PIAS4: variants seen among roughly 807,000 people sequenced by gnomAD.
PIAS4 encodes E3 SUMO-protein ligase PIAS4.
In PIAS4, 7 loss-of-function variants were observed where a neutral mutation model predicts 58.0. The ratio of observed to expected loss-of-function variants is 0.12; its 90% confidence interval spans 0.07 to 0.23. The LOEUF (loss-of-function observed/expected upper bound fraction) is 0.23, where lower values mean the gene tolerates loss of function less well. Among genes scored for constraint, PIAS4 ranks in the 10% least tolerant of loss-of-function variants. PIAS4 has a pLI of 1.00. For missense variants in PIAS4, 550 were observed against 709.5 expected (o/e 0.78, Z 2.55); for synonymous variants, 364 against 312.4 (o/e 1.17, Z -1.74).
At chr19:4,026,073 C>T (rs1193978938) in intron 3 of PIAS4, among the ~76,000 whole-genome samples, 2 of 76,804 alleles carry the variant, frequency 2.6e-5, no homozygotes, top group African/African-American at 6.0e-5. Flanking sequence ...GACTCCGTCT[C>T]AAAAAAAAAA....
At position 4,027,764 on chromosome 19, in the gene PIAS4, C is replaced by G. The variant is rs139734974; in HGVS notation, c.540-382C>G. 5.4e-3 allele frequency among the ~76,000 whole-genome samples: 817 copies of G among 152,052 alleles called. 7 individuals carry two copies. The highest frequency in any genetic ancestry group is 0.019 in the African/African-American group (776 of 41,438). On this transcript the variant is annotated intron_variant, in intron 3 of 10. Coordinates refer to ENST00000262971, the MANE Select transcript of PIAS4 (RefSeq NM_015897.4). ...ACAGTTTCACCATGTTGCGCAGGCTCGTCTCAAATTCCTGGGCTCAAGAGC... is the reference window on the plus strand; with the variant it reads ...ACAGTTTCACCATGTTGCGCAGGCTGGTCTCAAATTCCTGGGCTCAAGAGC...
chr19:4,029,046 T>C lies in PIAS4; in HGVS notation c.907+10T>C, dbSNP rs778169420. On this transcript the variant is annotated intron_variant, in intron 7 of 10. Transcript: ENST00000262971. ...CTGTGCAAGGCACTGGGTGAGCAGC[T>C]CAGGCCACCTCGGCCGAGGGGTGCC... The C allele has an allele frequency of 3.8e-6, 6 of 1,578,836 alleles. No individual in the cohort carries two copies. Among genetic ancestry groups the C allele is most frequent in the Non-Finnish European group, 5.2e-6 (6 of 1,159,384 alleles).
rs1219553427 is a variant in PIAS4, at chr19:4,033,441, G to A, written c.1003G>A (p.Val335Met). 7.7e-6 allele frequency: 12 copies of A among 1,558,952 alleles called. No homozygotes were observed. The highest frequency in any genetic ancestry group is 3.5e-5 in the South Asian group (3 of 84,940). Reference protein sequence around the residue: ...ICPLVKMRLSVPCRAETCAHL... With the variant: ...ICPLVKMRLSMPCRAETCAHL... The stretch of plus-strand genomic sequence containing the variant: ...ACAGCTGGTGAAGATGCGGCTCTCC[G>A]TGCCCTGCCGGGCAGAGACCTGTGC... Residue 335 changes from valine to methionine, a missense_variant, in exon 9 of 11, where the codon GTG (valine) becomes ATG (methionine). Around this residue, in one of 4 missense-constraint regions of PIAS4, gnomAD observed 225 missense variants for 345.8 expected, o/e 0.65. Coordinates refer to ENST00000262971, the MANE Select transcript of PIAS4 (RefSeq NM_015897.4).
intron 2 of PIAS4, 79 bp from the exon 3 acceptor site, chr19:4,023,957 G>A: frequency 1.1e-6 from 1 of 938,058 alleles, no homozygotes; most frequent in Non-Finnish European, 1.8e-6. Flanking sequence ...GTCTGAAGAG[G>A]CGCAGGCTGG....
intron 3 of PIAS4, among the ~76,000 whole-genome samples, chr19:4,027,361 G>A (rs1370410766): frequency 2.6e-5 from 4 of 152,158 alleles, no homozygotes; most frequent in African/African-American, 9.7e-5. Context: ...CTGGGTCTGA[G>A]CCTGGCTCCT....
At chr19:4,033,199 C>T (rs375880992) in intron 8 of PIAS4, 26 bp downstream of exon 8, 35 of 1,593,708 alleles carry the variant, frequency 2.2e-5, no homozygotes, top group African/African-American at 4.0e-5. Context: ...GTCCCCTCCT[C>T]GAGGCCTCTC....
At chr19:4,009,342 CG>C (rs2039972090) in intron 1 of PIAS4, among the ~76,000 whole-genome samples, 1 of 152,132 alleles carries the variant, frequency 6.6e-6, no homozygotes, top group Non-Finnish European at 1.5e-5. Flanking sequence ...AGTGGAGACT[CG>C]CCCTGGAGAT....
rs1183067879 is a variant in PIAS4, at chr19:4,036,503, A to AAC, written c.1143-861_1143-860dup. ...TCCATACAGTCCACACCGTCATACA[A>AAC]ACACACACACATCTATACAGTCCAC... On this transcript the variant is annotated intron_variant, in intron 9 of 10. Coordinates refer to ENST00000262971, the MANE Select transcript of PIAS4 (RefSeq NM_015897.4). 5.1e-5 allele frequency among the ~76,000 whole-genome samples: 4 copies of AAC among 78,148 alleles called. 1 individual carries two copies. The highest frequency in any genetic ancestry group is 1.1e-4 in the Non-Finnish European group (4 of 37,814). The allele number at this position is 78,148 out of a possible 152,430, so 51.3% of individuals were successfully genotyped here.
intron 2 of PIAS4, among the ~76,000 whole-genome samples, chr19:4,021,086 T>TA (rs947481099): frequency 6.6e-6 from 1 of 152,166 alleles, no homozygotes; most frequent in Admixed American, 6.5e-5. Flanking sequence ...TGCCATCTCT[T>TA]AGAGTTGCCA....
intron 8 of PIAS4, 108 bp from the exon 9 acceptor site, chr19:4,033,312 A>G: frequency 7.6e-7 from 1 of 1,317,878 alleles, no homozygotes; most frequent in South Asian, 1.3e-5. Flanking sequence ...CGTGTTCCTG[A>G]GGCATGAGTG....
At chr19:4,036,476 CATCCATACAGTCCACACCGTCATACAA>C (rs2040288409) in intron 9 of PIAS4, among the ~76,000 whole-genome samples, 1 of 147,448 alleles carries the variant, frequency 6.8e-6, no homozygotes, top group African/African-American at 2.6e-5. Context: ...CACCGTCACA[CATCCATACAGTCCACACCGTCATACAA>C]ACACACACAC....
rs374462891 is a variant in PIAS4, at chr19:4,033,083, C to T, written c.908-17C>T. The T allele has an allele frequency of 4.4e-6, 7 of 1,608,498 alleles. No individual in the cohort carries two copies. The highest frequency in any genetic ancestry group is 4.5e-5 in the East Asian group (2 of 44,782). On this transcript the variant is annotated splice_polypyrimidine_tract_variant and intron_variant, in intron 7 of 10. Transcript: ENST00000262971. ...GTTCCCACCCTCCTGACGGTGTCTTCCGTTCCCTCCCCACAGTCAAGGAGA... is the reference window on the plus strand; with the variant it reads ...GTTCCCACCCTCCTGACGGTGTCTTTCGTTCCCTCCCCACAGTCAAGGAGA...
At chr19:4,017,693 T>TG (rs2040066306) in intron 2 of PIAS4, 1 of 149,276 alleles carries the variant, frequency 6.7e-6, no homozygotes, top group African/African-American at 2.5e-5. Context: ...TTTTTTTTTT[T>TG]TTTTTTGAGA....
intron 1 of PIAS4, among the ~76,000 whole-genome samples, chr19:4,012,348 G>A (rs1361821730): frequency 6.6e-6 from 1 of 152,098 alleles, no homozygotes; most frequent in Non-Finnish European, 1.5e-5. Flanking sequence ...CACCAGCCTA[G>A]CAGGGGTGTT....
chr19:4,023,549 A>G (rs2040131796), intron 2 of PIAS4, among the ~76,000 whole-genome samples: 1 of 152,204 alleles, frequency 6.6e-6, no homozygotes, highest in Non-Finnish European at 1.5e-5. Flanking sequence ...GTAAGAGGGT[A>G]GGGCCCAGGC....
chr19:4,020,846 C>T (rs558783725), intron 2 of PIAS4, among the ~76,000 whole-genome samples: 48 of 152,330 alleles, frequency 3.2e-4, no homozygotes, highest in African/African-American at 1.1e-3. Context: ...AGCGATCCTC[C>T]CACCTTGGCC....
At chr19:4,029,160 G>T in intron 7 of PIAS4, 124 bp downstream of exon 7, 1 of 686,378 alleles carries the variant, frequency 1.5e-6, no homozygotes, top group Non-Finnish European at 2.5e-6. Context: ...TGTCACTCTG[G>T]GGGTCCATGG....
intron 2 of PIAS4, among the ~76,000 whole-genome samples, chr19:4,020,137 C>CTA (rs1463755228): frequency 2.6e-5 from 4 of 152,118 alleles, no homozygotes; most frequent in Non-Finnish European, 5.9e-5. Flanking sequence ...AGGATGGTCT[C>CTA]TATCTCCTGA....
Position 4,010,339 on chromosome 19 carries a change from C to T in PIAS4, c.27+2552C>T, listed in dbSNP as rs530677626. ...CTGTCCAGCCTGGGTGGGGCAGGGG[C>T]TCCCGGGGTGCGAGGATGTCAGCAG... is the stretch of plus-strand genomic sequence containing the variant. On this transcript the variant is annotated intron_variant, in intron 1 of 10. Coordinates refer to ENST00000262971, the MANE Select transcript of PIAS4 (RefSeq NM_015897.4). Among the ~76,000 whole-genome samples, 16 of 152,326 alleles carry T rather than the reference C, an allele frequency of 1.1e-4. 1 individual carries two copies. In the East Asian group the frequency reaches 3.1e-3, roughly 29 times the overall value.
Sources: gnomAD v4.1 joint callset for allele counts (sites outside exome capture counted in the v4.1 genomes callset) on GRCh38, gnomAD v4.1.1 for gene constraint, gnomAD v4.1.1 regional missense constraint, MANE v1.5 for transcripts, NCBI Gene and HGNC (gene_info 2026-07-23, HGNC 2026-07-21) for gene names.